Variants in CDH13 observed in about 807,000 individuals in gnomAD.
CDH13 encodes the protein cadherin-13.
In CDH13, 24 loss-of-function variants were observed where a neutral mutation model predicts 63.8. The ratio of observed to expected loss-of-function variants is 0.38; its 90% confidence interval spans 0.27 to 0.53. The LOEUF (loss-of-function observed/expected upper bound fraction) is 0.53, where lower values mean the gene tolerates loss of function less well. CDH13 is among the 20% of genes least tolerant of loss of function. The pLI is 0.85. For missense variants in CDH13, 1,049 were observed against 903.1 expected (o/e 1.16, Z -2.07); for synonymous variants, 503 against 355.3 (o/e 1.42, Z -4.67).
intron 11 of CDH13, among the ~76,000 whole-genome samples, chr16:83,766,171 C>G (rs1157562028): frequency 6.6e-6 from 1 of 152,174 alleles, no homozygotes; most frequent in Non-Finnish European, 1.5e-5. Flanking sequence ...CCCAGCTCTG[C>G]AGACCTCTGC....
At chr16:83,412,455 A>C (rs6563906) in intron 6 of CDH13, among the ~76,000 whole-genome samples, 36,224 of 152,150 alleles carry the variant, frequency 0.24, 4,587 homozygotes, top group Middle Eastern at 0.36. Context: ...GAGTTAGACT[A>C]GGTCTCAAAA....
chr16:83,000,932 C>T (rs1319315668), intron 2 of CDH13, among the ~76,000 whole-genome samples: 1 of 152,164 alleles, frequency 6.6e-6, no homozygotes, highest in Non-Finnish European at 1.5e-5. Flanking sequence ...TCATTCTATG[C>T]CTATTTGCTT....
chr16:83,720,123 G>C (rs887394386), intron 10 of CDH13, among the ~76,000 whole-genome samples: 1 of 152,140 alleles, frequency 6.6e-6, no homozygotes, highest in Non-Finnish European at 1.5e-5. Flanking sequence ...ATTTGGGACC[G>C]GGGTGCTGGT....
chr16:82,881,974 T>C (rs2040718902), intron 2 of CDH13, among the ~76,000 whole-genome samples: 1 of 152,222 alleles, frequency 6.6e-6, no homozygotes, highest in Non-Finnish European at 1.5e-5. Flanking sequence ...AAGAACTCTG[T>C]CTTTCAAGTT....
intron 10 of CDH13, among the ~76,000 whole-genome samples, chr16:83,725,069 C>A (rs755323103): frequency 8.5e-5 from 13 of 152,072 alleles, no homozygotes; most frequent in Admixed American, 5.2e-4. Context: ...ATAAACAGAC[C>A]CTTTTAGTAT....
intron 7 of CDH13, among the ~76,000 whole-genome samples, chr16:83,573,951 T>C (rs1297880261): frequency 6.6e-6 from 1 of 151,894 alleles, no homozygotes; most frequent in African/African-American, 2.4e-5. Flanking sequence ...CAGATTTCAG[T>C]AAATTGGGTC....
chr16:83,157,978 A>G (rs1382099475), intron 4 of CDH13, among the ~76,000 whole-genome samples: 2 of 152,086 alleles, frequency 1.3e-5, no homozygotes, highest in East Asian at 3.9e-4. Context: ...AGATTGTTCT[A>G]GAAAAGAGCA....
intron 1 of CDH13, among the ~76,000 whole-genome samples, chr16:82,841,700 G>A (rs1345610449): frequency 1.3e-5 from 2 of 152,020 alleles, no homozygotes; most frequent in African/African-American, 4.8e-5. Context: ...TTCACTCTGG[G>A]AAAGAGCAAA....
chr16:83,287,168 G>C (rs1205424159), intron 5 of CDH13, among the ~76,000 whole-genome samples: 2 of 152,208 alleles, frequency 1.3e-5, no homozygotes, highest in East Asian at 1.9e-4. Context: ...CCAACGTAGA[G>C]AAAGGCCCAG....
At chr16:82,672,313 T>C (rs995088669) in intron 1 of CDH13, among the ~76,000 whole-genome samples, 16 of 152,198 alleles carry the variant, frequency 1.1e-4, no homozygotes, top group Admixed American at 1.0e-3. Context: ...TACTCCTTGA[T>C]AGATAGCTAG....
chr16:83,057,752 C>G (rs960460266), intron 3 of CDH13, among the ~76,000 whole-genome samples: 1 of 152,136 alleles, frequency 6.6e-6, no homozygotes, highest in African/African-American at 2.4e-5. Flanking sequence ...TTTAAACCGT[C>G]TAAGATAAGA....
intron 5 of CDH13, among the ~76,000 whole-genome samples, chr16:83,273,328 C>A (rs1273698519): frequency 1.3e-5 from 2 of 152,002 alleles, no homozygotes; most frequent in African/African-American, 2.4e-5. Flanking sequence ...AATCCTCTCC[C>A]ACCCCCAACC....
At chr16:82,960,525 T>C (rs12597778) in intron 2 of CDH13, among the ~76,000 whole-genome samples, 56,793 of 152,062 alleles carry the variant, frequency 0.37, 11,296 homozygotes, top group East Asian at 0.59. Context: ...TCTATAAATA[T>C]GCCCGATGCA....
intron 10 of CDH13, among the ~76,000 whole-genome samples, chr16:83,706,753 A>G (rs941294662): frequency 1.3e-5 from 2 of 152,230 alleles, no homozygotes; most frequent in Non-Finnish European, 2.9e-5. Context: ...AGCAAGCTTC[A>G]GGAATGCCGG....
chr16:82,891,182 G>A (rs1374664238), intron 2 of CDH13, among the ~76,000 whole-genome samples: 1 of 151,996 alleles, frequency 6.6e-6, no homozygotes, highest in Non-Finnish European at 1.5e-5. Flanking sequence ...CTCTGTAAGA[G>A]GCTCTGAATA....
chr16:82,690,281 T>C (rs1456900327), intron 1 of CDH13, among the ~76,000 whole-genome samples: 1 of 151,920 alleles, frequency 6.6e-6, no homozygotes, highest in African/African-American at 2.4e-5. Context: ...GCATATACTG[T>C]GTAGACTACC....
At chr16:82,722,450 C>T (rs994945503) in intron 1 of CDH13, among the ~76,000 whole-genome samples, 3 of 152,160 alleles carry the variant, frequency 2.0e-5, no homozygotes, top group Non-Finnish European at 4.4e-5. Context: ...ACAGTCCTTG[C>T]AGAGGGCTGG....
At chr16:83,357,256 T>C (rs976487070) in intron 6 of CDH13, among the ~76,000 whole-genome samples, 1 of 152,148 alleles carries the variant, frequency 6.6e-6, no homozygotes, top group African/African-American at 2.4e-5. Flanking sequence ...CTGAAGAGGT[T>C]CTATGCTTGT....
intron 1 of CDH13, among the ~76,000 whole-genome samples, chr16:82,656,306 G>GGTGTGTGTGTGT (rs1555529667): frequency 2.0e-5 from 3 of 147,316 alleles, no homozygotes; most frequent in African/African-American, 7.9e-5. Flanking sequence ...GCATTTGAAT[G>GGTGTGTGTGTGT]GTGTGCGTGT....
Sources: allele counts gnomAD v4.1 joint callset (sites outside exome capture counted in the v4.1 genomes callset), GRCh38; gene constraint gnomAD v4.1.1; transcripts MANE v1.5; gene names NCBI Gene and HGNC (gene_info 2026-07-23, HGNC 2026-07-21).